PRTG: variants seen among roughly 807,000 people sequenced by gnomAD.
PRTG encodes protogenin.
PRTG carries 67 observed loss-of-function variants against 122.5 expected under a neutral mutation model. The ratio of observed to expected loss-of-function variants is 0.55; its 90% CI spans 0.45 to 0.67. PRTG has a LOEUF of 0.67. Among genes scored for constraint, PRTG ranks in the 30% least tolerant of loss-of-function variants. The pLI, the probability that PRTG is intolerant of heterozygous loss-of-function variation, is 0.00. For missense variants in PRTG, 1,435 were observed against 1,415.4 expected (o/e 1.01, Z -0.22); for synonymous variants, 554 against 501.1 (o/e 1.11, Z -1.41).
chr15:55,711,485 T>C (rs1306512432), intron 2 of PRTG, among the ~76,000 whole-genome samples: 3 of 152,036 alleles, frequency 2.0e-5, no homozygotes, highest in Non-Finnish European at 4.4e-5. Flanking sequence ...CAGAATGAGA[T>C]GGAAGATCAT....
In PRTG at chr15:55,613,448, G is replaced by T. The variant is rs550985409; in HGVS notation, c.*6564C>A. ...ATAAGGAAATGCTTGACTAGAAAAGGACTCTAGAAACCATGCCTACCTTAT... is the reference window on the plus strand; with the variant it reads ...ATAAGGAAATGCTTGACTAGAAAAGTACTCTAGAAACCATGCCTACCTTAT... On this transcript the variant is annotated 3_prime_UTR_variant, in exon 20 of 20. Transcript: ENST00000389286. 6.6e-6 allele frequency: 1 copy of T among 152,168 alleles called. No homozygotes were observed. Among genetic ancestry groups the T allele is most frequent in the South Asian group, 2.1e-4 (1 of 4,826 alleles). 9.4% of individuals were successfully genotyped at this position (152,168 alleles called of 1,614,324 possible). A position where few individuals can be genotyped will look rare whatever the true frequency, so the allele number is the denominator to read the frequency against.
rs561924081 is a variant in PRTG, at chr15:55,659,653, C to CA, written c.2041+12791dup. On this transcript the variant is annotated intron_variant, in intron 11 of 19. Coordinates refer to ENST00000389286, the MANE Select transcript of PRTG (RefSeq NM_173814.6). ...TCACTTAACCTGATTAGGCCGGGCG[C>CA]AGTGGTTCACGCCTGTAATCCTAGC... 2.0e-4 allele frequency among the ~76,000 whole-genome samples: 30 copies of CA among 152,276 alleles called. 1 individual carries two copies. In the South Asian group the frequency reaches 6.0e-3, roughly 30 times the overall value.
chr15:55,629,041 ATC>A, intron 15 of PRTG, 37 bp from the exon 16 acceptor site: 4 of 1,436,636 alleles, frequency 2.8e-6, no homozygotes, highest in Non-Finnish European at 3.8e-6. Flanking sequence ...GTGAACATTT[ATC>A]TTTTATTCTT....
chr15:55,620,353 G>A (rs2059159523), intron 19 of PRTG, 87 bp from the exon 20 acceptor site: 2 of 1,547,306 alleles, frequency 1.3e-6, no homozygotes, highest in East Asian at 2.3e-5. Context: ...CAGACAGGTG[G>A]GAGCACATCA....
At chr15:55,629,079 C>A (rs865971878) in intron 15 of PRTG, 75 bp from the exon 16 acceptor site, 2 of 938,360 alleles carry the variant, frequency 2.1e-6, no homozygotes, top group South Asian at 2.6e-5. Context: ...AAACACGTTC[C>A]TTTATTTTTA....
At chr15:55,661,682 T>C (rs2059410537) in intron 11 of PRTG, among the ~76,000 whole-genome samples, 1 of 152,202 alleles carries the variant, frequency 6.6e-6, no homozygotes, top group East Asian at 1.9e-4. Flanking sequence ...TGAACTGCTT[T>C]CTCAAGAAAA....
chr15:55,738,465 C>T (rs1344321999), intron 2 of PRTG: 1 of 700,900 alleles, frequency 1.4e-6, no homozygotes, highest in Admixed American at 2.0e-5. Context: ...CTTCTCATGG[C>T]CTATCTGGCC....
chr15:55,629,085 T>A (rs1567074548), intron 15 of PRTG, 81 bp from the exon 16 acceptor site: 1 of 884,744 alleles, frequency 1.1e-6, no homozygotes, highest in South Asian at 2.6e-5. Context: ...GTTCCTTTAT[T>A]TTTAAAAATA....
chr15:55,740,314 T>C (rs1199247945), intron 2 of PRTG, 68 bp downstream of exon 2: 9 of 1,401,848 alleles, frequency 6.4e-6, no homozygotes, highest in African/African-American at 1.4e-5. Context: ...ATTATTATAT[T>C]AATAAAGCAA....
At chr15:55,719,111 A>G (rs1392584833) in intron 2 of PRTG, among the ~76,000 whole-genome samples, 2 of 152,200 alleles carry the variant, frequency 1.3e-5, no homozygotes, top group Non-Finnish European at 2.9e-5. Flanking sequence ...ACATACTTTT[A>G]AACCACTATC....
At chr15:55,680,246 G>A (rs778330034) in intron 5 of PRTG, 34 bp from the exon 6 acceptor site, 2 of 1,517,914 alleles carry the variant, frequency 1.3e-6, no homozygotes, top group African/African-American at 1.4e-5. Flanking sequence ...TTTAAACAAT[G>A]TAACAAATAA....
intron 2 of PRTG, among the ~76,000 whole-genome samples, chr15:55,707,150 A>G (rs2030163063): frequency 6.6e-6 from 1 of 152,238 alleles, no homozygotes; most frequent in African/African-American, 2.4e-5. Context: ...ATATCAAACC[A>G]AATGTGAGTT....
chr15:55,676,267 A>C (rs2059502362), intron 8 of PRTG, among the ~76,000 whole-genome samples: 2 of 145,358 alleles, frequency 1.4e-5, no homozygotes, highest in Admixed American at 6.7e-5. Context: ...TTTGTCCCAC[A>C]GTGAGTTTTT....
intron 2 of PRTG, among the ~76,000 whole-genome samples, chr15:55,732,167 T>A (rs2031255380): frequency 6.6e-6 from 1 of 152,196 alleles, no homozygotes; most frequent in Non-Finnish European, 1.5e-5. Flanking sequence ...TGGAATGTTG[T>A]TACACTGCAC....
At chr15:55,679,595 G>C in intron 6 of PRTG, 150 bp from the exon 7 acceptor site, 1 of 586,830 alleles carries the variant, frequency 1.7e-6, no homozygotes. Context: ...CATCTCTCCA[G>C]GTGCCTTTTC....
intron 2 of PRTG, among the ~76,000 whole-genome samples, chr15:55,708,121 C>T (rs151208412): frequency 1.3e-4 from 16 of 127,068 alleles, no homozygotes; most frequent in African/African-American, 1.6e-4. Context: ...AGTCTGTGCA[C>T]GCCTGTGGAA....
At position 55,679,266 on chromosome 15, in the gene PRTG, A is replaced by T; in HGVS notation, c.1133+20T>A. 1 of 1,565,462 alleles carries T rather than the reference A, an allele frequency of 6.4e-7. No individual in the cohort carries two copies. The highest frequency in any genetic ancestry group is 8.8e-7 in the Non-Finnish European group (1 of 1,139,304). On this transcript the variant is annotated intron_variant, in intron 7 of 19. Transcript: ENST00000389286. ...GCCATTATATCATATATAAAATGGT[A>T]GCAAAGTTACACAGCCTACCTGTTG... is the stretch of plus-strand genomic sequence containing the variant.
chr15:55,645,909 A>G (rs138355330), intron 11 of PRTG, among the ~76,000 whole-genome samples: 1 of 152,208 alleles, frequency 6.6e-6, no homozygotes, highest in Admixed American at 6.5e-5. Flanking sequence ...CAAAGCCCAG[A>G]AAGGGAAGGA....
chr15:55,659,458 AG>A (rs973652757), intron 11 of PRTG, among the ~76,000 whole-genome samples: 1 of 152,196 alleles, frequency 6.6e-6, no homozygotes, highest in African/African-American at 2.4e-5. Context: ...CCAGCTTCTC[AG>A]GAAAACCTAC....
Sources: allele counts gnomAD v4.1 joint callset (sites outside exome capture counted in the v4.1 genomes callset), GRCh38; gene constraint gnomAD v4.1.1; transcripts MANE v1.5; gene names NCBI Gene and HGNC (gene_info 2026-07-23, HGNC 2026-07-21).